OPRD1: variants seen among roughly 807,000 people sequenced by gnomAD.
The protein encoded by OPRD1 is delta-type opioid receptor.
OPRD1 carries 19 observed loss-of-function variants against 17.5 expected under a neutral mutation model. The observed-to-expected ratio is 1.09, with a 90% CI of 0.76 to 1.60. The LOEUF is 1.60. OPRD1 is among the 40% of genes most tolerant of loss of function. The pLI, the probability that OPRD1 is intolerant of heterozygous loss-of-function variation, is 0.00. For synonymous variants in OPRD1, 256 were observed against 240.9 expected (o/e 1.06, Z -0.58); for missense variants, 483 against 547.2 (o/e 0.88, Z 1.17).
intron 1 of OPRD1, among the ~76,000 whole-genome samples, chr1:28,824,313 CTTTTTTTTT>C (rs58074384): frequency 7.3e-5 from 8 of 109,812 alleles, no homozygotes; most frequent in Admixed American, 3.0e-4. Flanking sequence ...TTTCTTTTTT[CTTTTTTTTT>C]TTTTTTTTTT....
rs1378529366 is a variant in OPRD1 at position 28,862,980 on chromosome 1, G to T, written c.816G>T (p.Val272=). 6.2e-7 allele frequency: 1 copy of T among 1,611,136 alleles called. No individual in the cohort carries two copies. The highest frequency in any genetic ancestry group is 8.5e-7 in the Non-Finnish European group (1 of 1,178,932). The change falls in exon 3 of 3, where the codon GTG becomes GTT. Residue 272 remains valine (V), a synonymous_variant. Transcript: ENST00000234961. ...MVLVVVGAFV[V]CWAPIHIFVI... ...TGGTGGTTGTGGGCGCCTTCGTGGT[G>T]TGTTGGGCGCCCATCCACATCTTCG...
At chr1:28,842,495 CT>C (rs1188650950) in intron 1 of OPRD1, among the ~76,000 whole-genome samples, 3 of 152,206 alleles carry the variant, frequency 2.0e-5, no homozygotes, top group African/African-American at 7.2e-5. Flanking sequence ...TGTGGCCTGG[CT>C]GTGCCAGGGT....
chr1:28,847,019 G>GTCCCCTTTCCTTTCCCCTTTCCTT (rs2088959660), intron 1 of OPRD1, among the ~76,000 whole-genome samples: 2 of 69,708 alleles, frequency 2.9e-5, no homozygotes, highest in Admixed American at 1.6e-4. Context: ...TTCCTTTCCT[G>GTCCCCTTTCCTTTCCCCTTTCCTT]TCCCCTTTCC....
At chr1:28,815,580 T>G (rs914983805) in intron 1 of OPRD1, among the ~76,000 whole-genome samples, 4 of 152,228 alleles carry the variant, frequency 2.6e-5, no homozygotes, top group African/African-American at 9.6e-5. Flanking sequence ...GCAGGGCAGC[T>G]GCCTGGGTCT....
At chr1:28,839,089 A>G (rs1353441073) in intron 1 of OPRD1, among the ~76,000 whole-genome samples, 2 of 152,296 alleles carry the variant, frequency 1.3e-5, no homozygotes, top group South Asian at 2.1e-4. Context: ...GGCTGCCAAA[A>G]TAAATTACTG....
rs1473680352 is a variant in OPRD1 at position 28,862,750 on chromosome 1, G to A, written c.586G>A (p.Val196Met). The change falls in exon 3 of 3, where the codon GTG becomes ATG. Residue 196 changes from valine (V) to methionine (M), a missense_variant. By Grantham distance (21) the Val-to-Met change is conservative. Coordinates refer to ENST00000234961, the MANE Select transcript of OPRD1 (RefSeq NM_000911.4). ...MAVTRPRDGA[V>M]VCMLQFPSPS... is the part of the protein sequence containing the mutation. The stretch of plus-strand genomic sequence containing the variant: ...TTGTTTCCGCGGCCCAGACGGGGCA[G>A]TGGTGTGCATGCTCCAGTTCCCCAG... 6.8e-6 allele frequency: 11 copies of A among 1,606,066 alleles called. No homozygotes were observed. Among genetic ancestry groups the A allele is most frequent in the East Asian group, 6.7e-5 (3 of 44,820 alleles).
chr1:28,859,511 G>C (rs574457156), intron 2 of OPRD1, among the ~76,000 whole-genome samples: 3 of 152,344 alleles, frequency 2.0e-5, no homozygotes, highest in Admixed American at 2.0e-4. Flanking sequence ...AGCTGGCCAG[G>C]GGGGCATGCG....
At chr1:28,856,556 G>A (rs748808578) in intron 1 of OPRD1, among the ~76,000 whole-genome samples, 5 of 152,168 alleles carry the variant, frequency 3.3e-5, no homozygotes, top group African/African-American at 9.7e-5. Context: ...TCACTCCAGA[G>A]GCATGAGAGC....
chr1:28,844,999 G>A (rs1239160524), intron 1 of OPRD1, among the ~76,000 whole-genome samples: 3 of 152,050 alleles, frequency 2.0e-5, no homozygotes, highest in Admixed American at 2.0e-4. Flanking sequence ...ACCTGCCTTG[G>A]CCTCCCAAAG....
chr1:28,817,368 G>T (rs1174484562), intron 1 of OPRD1, among the ~76,000 whole-genome samples: 2 of 152,216 alleles, frequency 1.3e-5, no homozygotes, highest in Admixed American at 1.3e-4. Flanking sequence ...AGCAGGGAGG[G>T]GAGTTGGGCC....
intron 1 of OPRD1, among the ~76,000 whole-genome samples, chr1:28,831,547 T>A (rs2088809265): frequency 6.6e-6 from 1 of 150,884 alleles, no homozygotes; most frequent in East Asian, 1.9e-4. Flanking sequence ...AAGCATAGCA[T>A]ACTGACTCGG....
chr1:28,814,133 G>A (rs2088654238), intron 1 of OPRD1, among the ~76,000 whole-genome samples: 1 of 151,890 alleles, frequency 6.6e-6, no homozygotes, highest in Non-Finnish European at 1.5e-5. Flanking sequence ...AAGCACAGGC[G>A]GGACTGATCT....
intron 1 of OPRD1, among the ~76,000 whole-genome samples, chr1:28,836,043 A>G (rs1398745068): frequency 5.9e-5 from 9 of 152,184 alleles, no homozygotes; most frequent in Admixed American, 5.9e-4. Flanking sequence ...CTCTCCTTCT[A>G]GGCTAACATT....
rs1212762404 is a variant in OPRD1, at chr1:28,870,034, AG to A, written c.*6752del. The A allele has an allele frequency of 1.3e-5, 2 of 152,182 alleles. No individual in the cohort carries two copies. Among genetic ancestry groups the A allele is most frequent in the African/African-American group, 4.8e-5 (2 of 41,432 alleles). 9.4% of individuals were successfully genotyped at this position (152,182 alleles called of 1,614,324 possible). On this transcript the variant is annotated 3_prime_UTR_variant, in exon 3 of 3. Coordinates refer to ENST00000234961, the MANE Select transcript of OPRD1 (RefSeq NM_000911.4). The stretch of plus-strand genomic sequence containing the variant: ...GCACTTAGCTGATGAGAAGTTGAGA[AG>A]ATTCAGAAAGAGGCTATGAGTGAAG...
intron 1 of OPRD1, among the ~76,000 whole-genome samples, chr1:28,822,512 AT>A: frequency 6.6e-6 from 1 of 151,880 alleles, no homozygotes; most frequent in South Asian, 2.1e-4. Flanking sequence ...ACGGAGTCTC[AT>A]TCTGTTGCAC....
chr1:28,858,079 G>GCCAC (rs1292436346), intron 1 of OPRD1, among the ~76,000 whole-genome samples: 2 of 150,800 alleles, frequency 1.3e-5, no homozygotes, highest in Admixed American at 1.3e-4. Flanking sequence ...ACAGGTGTGA[G>GCCAC]CCACCACACC....
chr1:28,840,438 A>C (rs1156256868), intron 1 of OPRD1, among the ~76,000 whole-genome samples: 1 of 152,198 alleles, frequency 6.6e-6, no homozygotes, highest in Non-Finnish European at 1.5e-5. Flanking sequence ...TGAAGGACAC[A>C]TAGAGTACTT....
rs1235020937 is a variant in OPRD1, at chr1:28,863,819, GC to G, written c.*537del. ...CCCAGAGACAGGACAGCTGGGTGTG[GC>G]TACAGCTGAAGATTTGGTCACCAGA... On this transcript the variant is annotated 3_prime_UTR_variant, in exon 3 of 3. Transcript: ENST00000234961. The G allele has an allele frequency of 4.6e-5, 7 of 153,260 alleles. No individual in the cohort carries two copies. The highest frequency in any genetic ancestry group is 1.7e-4 in the African/African-American group (7 of 41,622). The allele number at this position is 153,260 out of a possible 1,614,324, so 9.5% of individuals were successfully genotyped here.
intron 1 of OPRD1, among the ~76,000 whole-genome samples, chr1:28,813,432 C>A (rs76551099): frequency 0.049 from 7,425 of 152,292 alleles, 217 homozygotes; most frequent in Middle Eastern, 0.099. Flanking sequence ...TTCTCTTTGC[C>A]TCCTCTAACA....
Sources: allele counts gnomAD v4.1 joint callset (sites outside exome capture counted in the v4.1 genomes callset), GRCh38; gene constraint gnomAD v4.1.1; transcripts MANE v1.5; gene names NCBI Gene and HGNC (gene_info 2026-07-23, HGNC 2026-07-21).